The following CFAP299 variants were observed in gnomAD, a reference collection of about 807,000 sequenced individuals.
CFAP299 encodes the protein cilia and flagella associated protein 299.
Under a neutral mutation model 27.0 loss-of-function variants are expected in CFAP299, and 21 were observed. The observed-to-expected ratio is 0.78, with a 90% CI of 0.55 to 1.12. The LOEUF is 1.12. Ranked by LOEUF, CFAP299 falls within the 50% of genes most tolerant of loss-of-function variation. The pLI is 0.00. For missense variants in CFAP299, 310 were observed against 276.6 expected, an observed-to-expected ratio of 1.12 and a Z score of -0.86; for synonymous variants, 104 against 98.1, an observed-to-expected ratio of 1.06 and a Z score of -0.36.
intron 3 of CFAP299, among the ~76,000 whole-genome samples, chr4:80,841,288 G>A (rs1352169648): frequency 6.6e-6 from 1 of 152,038 alleles, no homozygotes; most frequent in Non-Finnish European, 1.5e-5. Context: ...GGTCTCACTG[G>A]TAATAAGGCC....
intron 2 of CFAP299, among the ~76,000 whole-genome samples, chr4:80,540,499 T>A (rs1301507547): frequency 6.6e-6 from 1 of 152,212 alleles, no homozygotes; most frequent in Non-Finnish European, 1.5e-5. Context: ...ACTACAATGA[T>A]AAATGTAGAA....
chr4:80,368,656 A>C (rs1214430799), intron 2 of CFAP299, among the ~76,000 whole-genome samples: 2 of 152,140 alleles, frequency 1.3e-5, no homozygotes, highest in Non-Finnish European at 2.9e-5. Context: ...AGTCGGATAA[A>C]ATTCCAGAGT....
chr4:80,694,817 A>G (rs940832229), intron 3 of CFAP299, among the ~76,000 whole-genome samples: 7 of 152,186 alleles, frequency 4.6e-5, no homozygotes, highest in African/African-American at 1.7e-4. Flanking sequence ...ATTGAATTTT[A>G]CACTTTGAAA....
At chr4:80,878,864 C>T (rs1335650549) in intron 4 of CFAP299, among the ~76,000 whole-genome samples, 1 of 152,058 alleles carries the variant, frequency 6.6e-6, no homozygotes, top group Non-Finnish European at 1.5e-5. Context: ...GAATCATTTT[C>T]CTTGAGATAT....
chr4:80,647,507 C>T (rs1740083958), intron 3 of CFAP299, among the ~76,000 whole-genome samples: 1 of 152,034 alleles, frequency 6.6e-6, no homozygotes, highest in African/African-American at 2.4e-5. Context: ...TGAATCTGTG[C>T]CTAGTGACTC....
chr4:80,496,410 C>T (rs1411680946), intron 2 of CFAP299, among the ~76,000 whole-genome samples: 2 of 152,192 alleles, frequency 1.3e-5, no homozygotes, highest in African/African-American at 4.8e-5. Flanking sequence ...CAGCCAGGGT[C>T]TTTGCTAAGG....
At chr4:80,838,940 C>T (rs1383599868) in intron 3 of CFAP299, among the ~76,000 whole-genome samples, 3 of 152,108 alleles carry the variant, frequency 2.0e-5, no homozygotes, top group Admixed American at 6.6e-5. Context: ...AATCCATTTA[C>T]ATTATACTTT....
chr4:80,833,345 G>A (rs189436179), intron 3 of CFAP299, among the ~76,000 whole-genome samples: 86 of 152,022 alleles, frequency 5.7e-4, no homozygotes, highest in Middle Eastern at 6.8e-3. Flanking sequence ...CCGAGAGCTC[G>A]TGAGGCCCAC....
At chr4:80,898,812 A>T (rs1424772805) in intron 4 of CFAP299, among the ~76,000 whole-genome samples, 2 of 152,122 alleles carry the variant, frequency 1.3e-5, no homozygotes, top group Non-Finnish European at 2.9e-5. Flanking sequence ...TGACTTAAAC[A>T]ATTTTTTAGG....
intron 2 of CFAP299, among the ~76,000 whole-genome samples, chr4:80,542,653 C>T (rs969834625): frequency 6.6e-6 from 1 of 152,136 alleles, no homozygotes; most frequent in African/African-American, 2.4e-5. Context: ...TCTGCCAGTC[C>T]CTTCCAGAGT....
At chr4:80,480,336 G>C (rs184988839) in intron 2 of CFAP299, among the ~76,000 whole-genome samples, 14 of 151,934 alleles carry the variant, frequency 9.2e-5, no homozygotes, top group South Asian at 6.2e-4. Context: ...AACCAGAAGT[G>C]GTTTAGGAGC....
chr4:80,398,192 A>G (rs903244020), intron 2 of CFAP299, among the ~76,000 whole-genome samples: 4 of 152,338 alleles, frequency 2.6e-5, no homozygotes, highest in African/African-American at 7.2e-5. Flanking sequence ...AAAAGAGGAT[A>G]CAAACAAATG....
chr4:80,912,135 A>G (rs1735502173), intron 4 of CFAP299, among the ~76,000 whole-genome samples: 1 of 152,176 alleles, frequency 6.6e-6, no homozygotes, highest in South Asian at 2.1e-4. Context: ...GCAACCTATC[A>G]GAGGAAAATG....
chr4:80,433,455 C>A (rs375003409), intron 2 of CFAP299, among the ~76,000 whole-genome samples: 1 of 151,978 alleles, frequency 6.6e-6, no homozygotes, highest in Non-Finnish European at 1.5e-5. Context: ...CTTAAAAAAA[C>A]GAACACTTCG....
intron 2 of CFAP299, among the ~76,000 whole-genome samples, chr4:80,499,659 C>T (rs959032451): frequency 2.6e-5 from 4 of 151,958 alleles, no homozygotes; most frequent in African/African-American, 9.7e-5. Context: ...AAATTTAATT[C>T]ATTTTCAGTA....
At chr4:80,322,065 AG>A in the CFAP299 span, among the ~76,000 whole-genome samples, 1 of 152,160 alleles carries the variant, frequency 6.6e-6, no homozygotes, top group Non-Finnish European at 1.5e-5. Context: ...ACTAGCACCC[AG>A]GGTCATTGTG....
chr4:80,946,517 T>C (rs1737485833), intron 5 of CFAP299, among the ~76,000 whole-genome samples: 1 of 152,204 alleles, frequency 6.6e-6, no homozygotes, highest in Non-Finnish European at 1.5e-5. Flanking sequence ...ATTAGCTACA[T>C]GCAAAGCTGG....
chr4:80,362,989 G>A (rs1343898310), intron 2 of CFAP299, 105 bp downstream of exon 2: 37 of 1,274,800 alleles, frequency 2.9e-5, no homozygotes, highest in Non-Finnish European at 3.8e-5. Context: ...GGTGGAGCAG[G>A]TAAAACTTGG....
rs374615025 is a variant in CFAP299, at chr4:80,565,638, C to G, written c.243-17455C>G. On this transcript the variant is annotated intron_variant, in intron 2 of 5. Coordinates refer to ENST00000358105, the MANE Select transcript of CFAP299 (RefSeq NM_152770.3). ...AAAATAAATGAACCTAAATGTGTAT[C>G]TAGCTGGTATCATACCTATTTAAAA... is the stretch of plus-strand genomic sequence containing the variant. 7.2e-5 allele frequency among the ~76,000 whole-genome samples: 11 copies of G among 152,014 alleles called. No homozygotes were observed. The East Asian group carries it at 1.4e-3, about 19-fold the overall frequency.
Sources: gnomAD v4.1 joint callset for allele counts (sites outside exome capture counted in the v4.1 genomes callset) on GRCh38, gnomAD v4.1.1 for gene constraint, MANE v1.5 for transcripts, NCBI Gene and HGNC (gene_info 2026-07-23, HGNC 2026-07-21) for gene names.